The following RALGAPA1 variants were observed in gnomAD, a reference collection of about 807,000 sequenced individuals.
RALGAPA1 encodes ral GTPase-activating protein subunit alpha-1.
Under a neutral mutation model 269.6 loss-of-function variants are expected in RALGAPA1, and 52 were observed. The observed-to-expected ratio is 0.19, with a 90% CI of 0.15 to 0.24. The LOEUF is 0.24. Among genes scored for constraint, RALGAPA1 ranks in the 10% least tolerant of loss-of-function variants. The pLI is 1.00. For missense variants in RALGAPA1, 1,917 were observed against 3,013.9 expected, an observed-to-expected ratio of 0.64 and a Z score of 8.52; for synonymous variants, 817 against 1,008.3, an observed-to-expected ratio of 0.81 and a Z score of 3.60.
intron 35 of RALGAPA1, among the ~76,000 whole-genome samples, chr14:35,613,327 C>T (rs949254957): frequency 4.6e-5 from 7 of 152,114 alleles, no homozygotes; most frequent in Admixed American, 4.6e-4. Context: ...TGTGATCCAC[C>T]TGCCTTGGCC....
At chr14:35,796,913 G>A (rs985557823) in intron 1 of RALGAPA1, among the ~76,000 whole-genome samples, 1 of 151,926 alleles carries the variant, frequency 6.6e-6, no homozygotes, top group African/African-American at 2.4e-5. Flanking sequence ...TCAGCCACCT[G>A]AGTAGCTGGG....
rs938439267 is a variant in RALGAPA1 at position 35,677,701 on chromosome 14, C to T, written c.4624+249G>A. On this transcript the variant is annotated intron_variant, in intron 22 of 41. Coordinates refer to ENST00000680220, the MANE Select transcript of RALGAPA1 (RefSeq NM_001346249.2). ...CTACCAATATCAATAAATGATAATA[C>T]AATACTTGAAAATAATGCAATAACT... 2.2e-5 allele frequency: 9 copies of T among 404,572 alleles called. No homozygotes were observed. The Admixed American group carries it at 3.7e-4, about 17-fold the overall frequency. 25.1% of individuals were successfully genotyped at this position (404,572 alleles called of 1,614,324 possible).
At chr14:35,641,741 C>A (rs1028673063) in intron 31 of RALGAPA1, among the ~76,000 whole-genome samples, 11 of 152,052 alleles carry the variant, frequency 7.2e-5, no homozygotes, top group African/African-American at 2.4e-4. Context: ...AGAAACAGAA[C>A]AAACAATCCT....
At chr14:35,666,590 T>C (rs1386197950) in intron 26 of RALGAPA1, among the ~76,000 whole-genome samples, 1 of 152,196 alleles carries the variant, frequency 6.6e-6, no homozygotes, top group Non-Finnish European at 1.5e-5. Context: ...GGAGATATGT[T>C]AGGCTTGATT....
intron 36 of RALGAPA1, among the ~76,000 whole-genome samples, chr14:35,604,903 T>C (rs940469014): frequency 6.6e-6 from 1 of 152,148 alleles, no homozygotes; most frequent in African/African-American, 2.4e-5. Context: ...AACATACTTA[T>C]ACAAATCCTT....
At chr14:35,578,135 C>T (rs997214667) in intron 37 of RALGAPA1, among the ~76,000 whole-genome samples, 4 of 152,128 alleles carry the variant, frequency 2.6e-5, no homozygotes, top group African/African-American at 9.7e-5. Context: ...TGAGTAAAAA[C>T]AGACATGGTC....
chr14:35,650,861 T>TA (rs2062780973), intron 31 of RALGAPA1, among the ~76,000 whole-genome samples: 1 of 152,120 alleles, frequency 6.6e-6, no homozygotes, highest in Non-Finnish European at 1.5e-5. Context: ...CTTTGTGCCT[T>TA]GTCTAACAGA....
chr14:35,778,214 C>T (rs1595524219), intron 1 of RALGAPA1, among the ~76,000 whole-genome samples: 1 of 152,058 alleles, frequency 6.6e-6, no homozygotes, highest in Non-Finnish European at 1.5e-5. Context: ...GTCTCCCCAC[C>T]ACACCTAGCT....
chr14:35,573,220 A>C (rs2057341430), intron 37 of RALGAPA1, among the ~76,000 whole-genome samples: 1 of 152,186 alleles, frequency 6.6e-6, no homozygotes, highest in African/African-American at 2.4e-5. Context: ...GTTTGCTTAC[A>C]AAGGTGTTTC....
chr14:35,642,170 G>A (rs1594936762), intron 31 of RALGAPA1, among the ~76,000 whole-genome samples: 2 of 152,112 alleles, frequency 1.3e-5, no homozygotes, highest in Non-Finnish European at 1.5e-5. Context: ...GGAAACTCTT[G>A]AGGGCATTGG....
At chr14:35,714,061 C>T (rs577833218) in intron 16 of RALGAPA1, among the ~76,000 whole-genome samples, 2 of 150,320 alleles carry the variant, frequency 1.3e-5, no homozygotes, top group East Asian at 1.9e-4. Flanking sequence ...TGCCACTGCA[C>T]TCTAGCCTGG....
At chr14:35,698,752 A>C (rs2067102920) in intron 17 of RALGAPA1, among the ~76,000 whole-genome samples, 1 of 152,300 alleles carries the variant, frequency 6.6e-6, no homozygotes, top group East Asian at 1.9e-4. Flanking sequence ...TATCTAATTC[A>C]GTTTTAAGAA....
chr14:35,806,640 G>C (rs1475496387), intron 1 of RALGAPA1, among the ~76,000 whole-genome samples: 1 of 152,092 alleles, frequency 6.6e-6, no homozygotes, highest in African/African-American at 2.4e-5. Context: ...TGAGTGAATG[G>C]CAGTTCTGTT....
intron 16 of RALGAPA1, among the ~76,000 whole-genome samples, chr14:35,706,407 C>T (rs780663551): frequency 6.6e-6 from 1 of 152,046 alleles, no homozygotes; most frequent in Non-Finnish European, 1.5e-5. Context: ...CATTGAATTG[C>T]CTTTGCTCCT....
intron 17 of RALGAPA1, among the ~76,000 whole-genome samples, chr14:35,695,027 C>A (rs2066789584): frequency 6.6e-6 from 1 of 152,014 alleles, no homozygotes; most frequent in Non-Finnish European, 1.5e-5. Context: ...TTGCAGTGAG[C>A]CAAGATTGCA....
At position 35,677,957 on chromosome 14, in the gene RALGAPA1, A is replaced by G; in HGVS notation, c.4617T>C (p.Asp1539=). 1 of 1,613,570 alleles carries G rather than the reference A, an allele frequency of 6.2e-7. No individual in the cohort carries two copies. Among genetic ancestry groups the G allele is most frequent in the Non-Finnish European group, 8.5e-7 (1 of 1,179,854 alleles). ...CTAATTTTGAAATATTGCCTAGATCATCTGGTGTCTGAAGAACAGAGTGGT... is the reference window on the plus strand; with the variant it reads ...CTAATTTTGAAATATTGCCTAGATCGTCTGGTGTCTGAAGAACAGAGTGGT... ...KLHHSVLQTP[D]DLEISEFPSE... The change falls in exon 22 of 42, where the codon GAT becomes GAC. Residue 1539 remains aspartate, a synonymous_variant. Transcript: ENST00000680220.
chr14:35,696,388 A>T (rs958685046), intron 17 of RALGAPA1, among the ~76,000 whole-genome samples: 1 of 151,390 alleles, frequency 6.6e-6, no homozygotes, highest in African/African-American at 2.4e-5. Context: ...AGAGCAAATT[A>T]AAAAAAAAAT....
rs373886137 is a variant in RALGAPA1 at position 35,572,743 on chromosome 14, T to C, written c.7210-25A>G. The C allele has an allele frequency of 3.3e-5, 52 of 1,570,422 alleles. 1 individual carries two copies. The African/African-American group carries it at 4.8e-4, about 14-fold the overall frequency. On this transcript the variant is annotated intron_variant, in intron 37 of 41. Coordinates refer to ENST00000680220, the MANE Select transcript of RALGAPA1 (RefSeq NM_001346249.2). ...ACTGGAAAGACAAGAAAACAATTTATACTGCTTTAAAAGCTCTTTGAGTAC... is the reference window on the plus strand; with the variant it reads ...ACTGGAAAGACAAGAAAACAATTTACACTGCTTTAAAAGCTCTTTGAGTAC...
At position 35,707,664 on chromosome 14, in the gene RALGAPA1, TGAGAAAAGTTATGGA is replaced by T. The variant is rs1180044982; in HGVS notation, c.2267-7377_2267-7363del. ...AAGTATTCGTTCTGCTTCTATTTTT[TGAGAAAAGTTATGGA>T]GAATTATTTCTTTCTTAAATATTCA... On this transcript the variant is annotated intron_variant, in intron 16 of 41. Coordinates refer to ENST00000680220, the MANE Select transcript of RALGAPA1 (RefSeq NM_001346249.2). 3.3e-5 allele frequency: 5 copies of T among 152,334 alleles called. No homozygotes were observed. In the East Asian group the frequency reaches 9.6e-4, roughly 29 times the overall value. 9.4% of individuals were successfully genotyped at this position (152,334 alleles called of 1,614,324 possible). A position where few individuals can be genotyped will look rare whatever the true frequency, so the allele number is the denominator to read the frequency against.
Sources: allele counts gnomAD v4.1 joint callset (sites outside exome capture counted in the v4.1 genomes callset), GRCh38; gene constraint gnomAD v4.1.1; transcripts MANE v1.5; gene names NCBI Gene and HGNC (gene_info 2026-07-23, HGNC 2026-07-21).